The following NCALD variants were observed in gnomAD, a reference collection of about 807,000 sequenced individuals.
NCALD encodes neurocalcin delta.
Under a neutral mutation model 18.6 loss-of-function variants are expected in NCALD, and 10 were observed. The observed-to-expected ratio is 0.54, with a 90% confidence interval of 0.33 to 0.91. NCALD has a LOEUF of 0.91. Among genes scored for constraint, NCALD ranks in the 40% least tolerant of loss-of-function variants. The pLI, the probability that NCALD is intolerant of heterozygous loss-of-function variation, is 0.03. For missense variants in NCALD, 184 were observed against 247.6 expected, an observed-to-expected ratio of 0.74 and a Z score of 1.72; for synonymous variants, 88 against 87.4, an observed-to-expected ratio of 1.01 and a Z score of -0.04.
chr8:101,776,193 T>C (rs1811784213), intron 1 of NCALD, among the ~76,000 whole-genome samples: 1 of 152,076 alleles, frequency 6.6e-6, no homozygotes, highest in South Asian at 2.1e-4. Context: ...AGACTGAAAA[T>C]GGCTAAAATG....
chr8:101,693,318 GTTTTTTTTTTTTTTTTTTTTTT>G (rs71276999), intron 2 of NCALD: 27 of 60,050 alleles, frequency 4.5e-4, no homozygotes, highest in African/African-American at 1.4e-3. Flanking sequence ...CACACAGGGC[GTTTTTTTTTTTTTTTTTTTTTT>G]TTTTTTTTTT....
chr8:102,045,595 C>A (rs542355031), intron 1 of NCALD, among the ~76,000 whole-genome samples: 1 of 152,162 alleles, frequency 6.6e-6, no homozygotes. Flanking sequence ...GTTCAACTAG[C>A]CAATTGGTAC....
chr8:101,982,934 T>G (rs1382843502), intron 2 of NCALD, among the ~76,000 whole-genome samples: 1 of 152,160 alleles, frequency 6.6e-6, no homozygotes, highest in African/African-American at 2.4e-5. Context: ...GTGAAGGGTT[T>G]AGCAGACACA....
chr8:101,864,201 A>G (rs1347270646), intron 4 of NCALD, among the ~76,000 whole-genome samples: 1 of 152,210 alleles, frequency 6.6e-6, no homozygotes, highest in Non-Finnish European at 1.5e-5. Flanking sequence ...CAAAGAACAC[A>G]AAACTTTCTG....
At chr8:101,944,581 C>T (rs944190455) in intron 2 of NCALD, among the ~76,000 whole-genome samples, 1 of 152,218 alleles carries the variant, frequency 6.6e-6, no homozygotes, top group East Asian at 1.9e-4. Context: ...AGAAGGCTGA[C>T]CTCTATGCCC....
rs756632993 is a variant in NCALD, at chr8:101,719,663, GA to G, written c.-19-16del. On this transcript the variant is annotated splice_polypyrimidine_tract_variant and intron_variant, in intron 1 of 3. Coordinates refer to ENST00000220931, the MANE Select transcript of NCALD (RefSeq NM_032041.3). Reference sequence around the variant, plus strand: ...CAAGAATTCAGCTGCAGATAGAAAAGAAAACATATATAATTTGTAGAGCTGC... The same window carrying G: ...CAAGAATTCAGCTGCAGATAGAAAAGAAACATATATAATTTGTAGAGCTGC... The G allele has an allele frequency of 1.5e-4, 225 of 1,532,562 alleles. 1 individual carries two copies. Among genetic ancestry groups the G allele is most frequent in the Middle Eastern group, 1.4e-3 (8 of 5,668 alleles). 94.9% of individuals were successfully genotyped at this position (1,532,562 alleles called of 1,614,324 possible).
rs1215316163 is a variant in NCALD, at chr8:102,048,690, T to C, written c.-209-28401A>G. Among the ~76,000 whole-genome samples the C allele has an allele frequency of 2.0e-5, 3 of 152,230 alleles. No homozygotes were observed. The East Asian group carries it at 5.8e-4, about 29-fold the overall frequency. On this transcript the variant is annotated intron_variant, in intron 1 of 6. Coordinates refer to the NCALD transcript ENST00000311028. The stretch of plus-strand genomic sequence containing the variant: ...GAGGTTTCATTAAATGTTTCGAATT[T>C]GTTTGTGGGTTTTGCCTCCTTATGT...
chr8:101,902,349 G>A (rs1416181116), intron 3 of NCALD, among the ~76,000 whole-genome samples: 1 of 151,038 alleles, frequency 6.6e-6, no homozygotes, highest in Non-Finnish European at 1.5e-5. Flanking sequence ...ATGCAAAAAG[G>A]AAGCCAATAC....
chr8:102,095,608 G>A (rs1825066651), intron 1 of NCALD, among the ~76,000 whole-genome samples: 1 of 152,054 alleles, frequency 6.6e-6, no homozygotes, highest in East Asian at 1.9e-4. Context: ...TAGAAGCATT[G>A]GGGAGATAAT....
At chr8:101,831,042 G>T (rs1353569503) in intron 4 of NCALD, among the ~76,000 whole-genome samples, 1 of 152,126 alleles carries the variant, frequency 6.6e-6, no homozygotes, top group African/African-American at 2.4e-5. Flanking sequence ...TGGCTTGAGT[G>T]TACATGATGT....
At chr8:101,890,469 T>C (rs576678857) in intron 3 of NCALD, among the ~76,000 whole-genome samples, 1 of 152,264 alleles carries the variant, frequency 6.6e-6, no homozygotes, top group East Asian at 1.9e-4. Flanking sequence ...GAAAACTTAA[T>C]CCCCAATGCA....
chr8:101,861,616 T>C (rs991847938), intron 4 of NCALD, among the ~76,000 whole-genome samples: 5 of 151,558 alleles, frequency 3.3e-5, no homozygotes, highest in Admixed American at 1.3e-4. Context: ...AAAGTAAACA[T>C]GAAAATTACA....
intron 3 of NCALD, among the ~76,000 whole-genome samples, chr8:101,892,970 C>T (rs1320726742): frequency 6.7e-6 from 1 of 149,246 alleles, no homozygotes; most frequent in African/African-American, 2.6e-5. Flanking sequence ...CTTCCCCAAT[C>T]TAGCAAGGCA....
At chr8:102,024,081 A>C (rs35997023) in intron 1 of NCALD, among the ~76,000 whole-genome samples, 1 of 152,226 alleles carries the variant, frequency 6.6e-6, no homozygotes, top group Admixed American at 6.5e-5. Context: ...TCTTATAAAG[A>C]AGAATGCCAG....
At chr8:101,905,856 C>T (rs1817594033) in intron 3 of NCALD, among the ~76,000 whole-genome samples, 1 of 152,232 alleles carries the variant, frequency 6.6e-6, no homozygotes, top group East Asian at 1.9e-4. Flanking sequence ...TTTGCTGACA[C>T]TCAGACTTAG....
At chr8:101,912,451 T>C (rs1387029149) in intron 3 of NCALD, among the ~76,000 whole-genome samples, 1 of 152,280 alleles carries the variant, frequency 6.6e-6, no homozygotes, top group African/African-American at 2.4e-5. Context: ...GATGTATTTA[T>C]GAGCAGTCTC....
At chr8:102,006,712 G>A (rs868058215) in intron 2 of NCALD, among the ~76,000 whole-genome samples, 3 of 152,210 alleles carry the variant, frequency 2.0e-5, no homozygotes, top group African/African-American at 7.2e-5. Flanking sequence ...TACTGCTCCC[G>A]CTGGGTGGCT....
At chr8:102,090,572 A>G (rs542479032) in intron 1 of NCALD, among the ~76,000 whole-genome samples, 1 of 152,306 alleles carries the variant, frequency 6.6e-6, no homozygotes, top group South Asian at 2.1e-4. Context: ...CTAATAAAAA[A>G]CTGAAGTAAT....
intron 2 of NCALD, among the ~76,000 whole-genome samples, chr8:101,946,846 GC>G (rs146942293): frequency 0.023 from 3,365 of 143,210 alleles, 155 homozygotes; most frequent in African/African-American, 0.078. Context: ...TCTTGTTTGT[GC>G]CCTAATTGAA....
Sources: gnomAD v4.1 joint callset for allele counts (sites outside exome capture counted in the v4.1 genomes callset) on GRCh38, gnomAD v4.1.1 for gene constraint, MANE v1.5 for transcripts, NCBI Gene and HGNC (gene_info 2026-07-23, HGNC 2026-07-21) for gene names.